SLC2A2: variants seen among roughly 807,000 people sequenced by gnomAD.
SLC2A2 encodes solute carrier family 2 member 2, also known as solute carrier family 2, facilitated glucose transporter member 2.
A neutral mutation model predicts 54.5 loss-of-function variants in SLC2A2; 36 were observed. The observed-to-expected ratio is 0.66, with a 90% CI of 0.51 to 0.87. The LOEUF (loss-of-function observed/expected upper bound fraction) is 0.87, where lower values mean the gene tolerates loss of function less well. Among genes scored for constraint, SLC2A2 ranks in the 40% least tolerant of loss-of-function variants. The pLI is 0.00. For synonymous variants in SLC2A2, 223 were observed against 219.1 expected, an observed-to-expected ratio of 1.02 and a Z score of -0.16; for missense variants, 543 against 624.3, an observed-to-expected ratio of 0.87 and a Z score of 1.39.
chr3:171,013,446 T>C (rs577756506), intron 3 of SLC2A2, among the ~76,000 whole-genome samples: 3 of 152,178 alleles, frequency 2.0e-5, no homozygotes, highest in African/African-American at 7.2e-5. Context: ...CAAATAAAAA[T>C]AATAATAAAA....
intron 3 of SLC2A2, among the ~76,000 whole-genome samples, chr3:171,013,850 A>T (rs1576837313): frequency 1.3e-5 from 2 of 152,362 alleles, no homozygotes; most frequent in African/African-American, 4.8e-5. Flanking sequence ...TTGAGGGTAA[A>T]GGAGTTCCAC....
chr3:171,010,054 G>C lies in SLC2A2; in HGVS notation c.400C>G (p.Leu134Val). The change falls in exon 4 of 11, where the codon CTG becomes GTG. Residue 134 changes from leucine to valine, a missense_variant. Around this residue, in one of 3 missense-constraint regions of SLC2A2, gnomAD observed 318 missense variants for 343.8 expected, o/e 0.93. Transcript: ENST00000314251. ...RIKAMLVANI[L>V]SLVGALLMGF... ...ATCAAGAGAGCTCCAACTAATGACA[G>C]AATGTTTGCTACTAACATGGCTTTG... 6.2e-7 allele frequency: 1 copy of C among 1,612,220 alleles called. No individual in the cohort carries two copies. Among genetic ancestry groups the C allele is most frequent in the Non-Finnish European group, 8.5e-7 (1 of 1,179,004 alleles).
chr3:171,021,225 T>A (rs1716448835), intron 1 of SLC2A2, among the ~76,000 whole-genome samples: 1 of 152,118 alleles, frequency 6.6e-6, no homozygotes, highest in South Asian at 2.1e-4. Context: ...TTTTCATCCT[T>A]TTTACAGGTG....
intron 3 of SLC2A2, among the ~76,000 whole-genome samples, chr3:171,010,790 T>C (rs1251326972): frequency 6.6e-6 from 1 of 152,138 alleles, no homozygotes; most frequent in African/African-American, 2.4e-5. Flanking sequence ...TAGTGACCAA[T>C]GTAAAATACA....
intron 7 of SLC2A2, among the ~76,000 whole-genome samples, chr3:171,004,150 G>T (rs1462649272): frequency 6.6e-6 from 1 of 151,966 alleles, no homozygotes; most frequent in Non-Finnish European, 1.5e-5. Context: ...GAGGCCTACA[G>T]CACGCTTCAC....
At chr3:171,009,916 TGTG>T in intron 4 of SLC2A2, 39 bp downstream of exon 4, 3 of 790,422 alleles carry the variant, frequency 3.8e-6, no homozygotes, top group Non-Finnish European at 4.9e-6. Flanking sequence ...AAGGTAGGTG[TGTG>T]TGTGTGTGTG....
chr3:171,017,533 G>C (rs972194006), intron 2 of SLC2A2, among the ~76,000 whole-genome samples: 5 of 152,158 alleles, frequency 3.3e-5, no homozygotes, highest in Non-Finnish European at 7.3e-5. Context: ...AAATATAATG[G>C]ACTTACAGAA....
chr3:171,002,530 C>T lies in SLC2A2; in HGVS notation c.1068+46G>A, dbSNP rs758747773. ...AAGTTCCCCACCCCTCCTGCAATTT[C>T]TGGACTAAGGAACAAGCAGAGTATT... On this transcript the variant is annotated intron_variant, in intron 8 of 10. Coordinates refer to ENST00000314251, the MANE Select transcript of SLC2A2 (RefSeq NM_000340.2). 4.0e-6 allele frequency: 5 copies of T among 1,236,880 alleles called. No individual in the cohort carries two copies. The South Asian group carries it at 6.1e-5, about 15-fold the overall frequency. The allele number at this position is 1,236,880 out of a possible 1,614,324, so 76.6% of individuals were successfully genotyped here. A position where few individuals can be genotyped will look rare whatever the true frequency, so the allele number is the denominator to read the frequency against.
intron 5 of SLC2A2, 55 bp from the exon 6 acceptor site, chr3:171,006,160 T>C (rs1174124822): frequency 2.6e-6 from 4 of 1,529,090 alleles, no homozygotes; most frequent in Non-Finnish European, 3.6e-6. Context: ...ATCTACCTTT[T>C]ACACTAGTTT....
At chr3:171,019,947 G>A (rs533628154) in intron 1 of SLC2A2, among the ~76,000 whole-genome samples, 84 of 152,266 alleles carry the variant, frequency 5.5e-4, no homozygotes, top group Admixed American at 2.4e-3. Flanking sequence ...GTATTCATAT[G>A]ATTAGACATT....
At position 170,997,951 on chromosome 3, in the gene SLC2A2, T is replaced by C. The variant is rs1460049847; in HGVS notation, c.1527A>G (p.Pro509=). The change falls in exon 11 of 11, where the codon CCA becomes CCG. Residue 509 remains proline, a synonymous_variant. Transcript: ENST00000314251. ...GGAATTTCATTTCTACAGCAGCTTTTGGCCTGTGGGCTGAGCCACTCTTCT... is the reference window on the plus strand; with the variant it reads ...GGAATTTCATTTCTACAGCAGCTTTCGGCCTGTGGGCTGAGCCACTCTTCT... ...FQKKSGSAHR[P]KAAVEMKFLG... is the part of the protein sequence containing the mutation. 3.1e-6 allele frequency: 5 copies of C among 1,613,620 alleles called. No homozygotes were observed. Among genetic ancestry groups the C allele is most frequent in the Non-Finnish European group, 4.2e-6 (5 of 1,179,774 alleles).
rs1715588619 is a variant in SLC2A2, at chr3:171,006,076, A to T, written c.642T>A (p.Asn214Lys). The T allele has an allele frequency of 6.2e-7, 1 of 1,612,380 alleles. No individual in the cohort carries two copies. The highest frequency in any genetic ancestry group is 1.1e-5 in the South Asian group (1 of 91,052). Residue 214 changes from asparagine to lysine, a missense_variant, in exon 6 of 11, where the codon AAT (asparagine) becomes AAA (lysine). Coordinates refer to ENST00000314251, the MANE Select transcript of SLC2A2 (RefSeq NM_000340.2). ...QIIGLEFILG[N>K]YDLWHILLGL... Reference sequence around the variant, plus strand: ...CAAGCAGGATGTGCCACAGATCATAATTGCCCAAGATAAATTCAAGACCAA... The same window carrying T: ...CAAGCAGGATGTGCCACAGATCATATTTGCCCAAGATAAATTCAAGACCAA...
At position 170,997,342 on chromosome 3, in the gene SLC2A2, T is replaced by C. The variant is rs1715126913; in HGVS notation, c.*561A>G. On this transcript the variant is annotated 3_prime_UTR_variant, in exon 11 of 11. Transcript: ENST00000314251. ...TATAGACATTTTTTAGTATACTCTA[T>C]AATCCATTCCACATGAAAATACAGA... 6.5e-6 allele frequency: 1 copy of C among 154,220 alleles called. No individual in the cohort carries two copies. Among genetic ancestry groups the C allele is most frequent in the African/African-American group, 2.4e-5 (1 of 41,446 alleles). 9.6% of individuals were successfully genotyped at this position (154,220 alleles called of 1,614,324 possible).
chr3:171,024,497 C>G (rs920404677), intron 1 of SLC2A2, among the ~76,000 whole-genome samples: 1 of 152,152 alleles, frequency 6.6e-6, no homozygotes, highest in African/African-American at 2.4e-5. Context: ...CCAGCAATTA[C>G]TGATTGACTA....
At chr3:171,014,106 G>A (rs1025468903) in intron 3 of SLC2A2, among the ~76,000 whole-genome samples, 5 of 152,302 alleles carry the variant, frequency 3.3e-5, no homozygotes, top group Admixed American at 2.6e-4. Context: ...ATTTGGTGAA[G>A]CAAACAATGG....
At chr3:171,016,592 A>C (rs1281259769) in intron 2 of SLC2A2, among the ~76,000 whole-genome samples, 1 of 152,216 alleles carries the variant, frequency 6.6e-6, no homozygotes, top group Non-Finnish European at 1.5e-5. Context: ...ACCATATGAA[A>C]GTGTGATTTT....
intron 1 of SLC2A2, among the ~76,000 whole-genome samples, chr3:171,021,099 T>C (rs1716443029): frequency 6.6e-6 from 1 of 152,166 alleles, no homozygotes; most frequent in Non-Finnish European, 1.5e-5. Flanking sequence ...AAAATGTAAC[T>C]CGACATCTAA....
intron 4 of SLC2A2, 149 bp downstream of exon 4, chr3:171,009,809 C>T (rs1045949686): frequency 1.7e-5 from 20 of 1,149,156 alleles, no homozygotes; most frequent in Non-Finnish European, 2.4e-5. Context: ...CTCAGGATTT[C>T]AACTTTATGC....
chr3:171,021,972 T>G (rs1299359657), intron 1 of SLC2A2, among the ~76,000 whole-genome samples: 1 of 152,226 alleles, frequency 6.6e-6, no homozygotes, highest in Non-Finnish European at 1.5e-5. Context: ...ATTTGACCCA[T>G]CAGGGTAATC....
Sources: allele counts gnomAD v4.1 joint callset (sites outside exome capture counted in the v4.1 genomes callset), GRCh38; gene constraint gnomAD v4.1.1; regional missense constraint gnomAD v4.1.1; transcripts MANE v1.5; gene names NCBI Gene and HGNC (gene_info 2026-07-23, HGNC 2026-07-21).